The following WDFY4 variants were observed in gnomAD, a reference collection of about 807,000 sequenced individuals.
WDFY4 encodes WD repeat- and FYVE domain-containing protein 4.
A neutral mutation model predicts 351.9 loss-of-function variants in WDFY4; 169 were observed. The ratio of observed to expected loss-of-function variants is 0.48; its 90% CI spans 0.42 to 0.55. The LOEUF is 0.55. Ranked by LOEUF, WDFY4 falls within the 20% of genes least tolerant of loss-of-function variation. The probability of loss-of-function intolerance (pLI) is 0.00; values close to 1 mark genes in which losing one functional copy is unlikely to be tolerated. For synonymous variants in WDFY4, 1,622 were observed against 1,574.6 expected (o/e 1.03, Z -0.71); for missense variants, 3,803 against 3,935.6 (o/e 0.97, Z 0.90).
At position 48,803,421 on chromosome 10, in the gene WDFY4, A is replaced by G. The variant is rs551602040; in HGVS notation, c.4484+62A>G. The G allele has an allele frequency of 1.5e-5, 22 of 1,512,114 alleles. No homozygotes were observed. The Middle Eastern group carries it at 6.7e-4, about 46-fold the overall frequency. 93.7% of individuals were successfully genotyped at this position (1,512,114 alleles called of 1,614,324 possible). ...AAGGCTGAATGTCCAGAACAGAGAC[A>G]GGGCAGGGTGGCCAGTGGCTCTTCC... On this transcript the variant is annotated intron_variant, in intron 25 of 61. Coordinates refer to ENST00000325239, the MANE Select transcript of WDFY4 (RefSeq NM_001394531.1).
intron 39 of WDFY4, among the ~76,000 whole-genome samples, chr10:48,849,397 AGTCT>A (rs1370213636): frequency 6.6e-6 from 1 of 152,236 alleles, no homozygotes; most frequent in East Asian, 1.9e-4. Flanking sequence ...TACATCAATC[AGTCT>A]TTCTTTGTTA....
chr10:48,960,420 T>C (rs552048717), intron 53 of WDFY4, among the ~76,000 whole-genome samples: 30 of 152,196 alleles, frequency 2.0e-4, no homozygotes, highest in African/African-American at 7.2e-4. Context: ...GTGAAACCAA[T>C]AGTTGATGAA....
intron 47 of WDFY4, among the ~76,000 whole-genome samples, chr10:48,934,504 A>G (rs1840232065): frequency 6.6e-6 from 1 of 152,200 alleles, no homozygotes; most frequent in Non-Finnish European, 1.5e-5. Context: ...TACCTGTCAT[A>G]AAAGTTGGGT....
intron 28 of WDFY4, among the ~76,000 whole-genome samples, chr10:48,810,193 T>C (rs976959356): frequency 6.6e-6 from 1 of 152,214 alleles, no homozygotes; most frequent in Non-Finnish European, 1.5e-5. Flanking sequence ...TTAAATTAGA[T>C]GGGTGGCTAG....
intron 49 of WDFY4, among the ~76,000 whole-genome samples, chr10:48,943,905 TA>T (rs1840912713): frequency 6.6e-6 from 1 of 152,234 alleles, no homozygotes; most frequent in East Asian, 1.9e-4. Context: ...TCAGATCTCT[TA>T]ACCCCACTGT....
rs57440826 is a variant in WDFY4, at chr10:48,733,297, T to TTTCATTCA, written c.1583-614_1583-607dup. 4.8e-3 allele frequency among the ~76,000 whole-genome samples: 723 copies of TTTCATTCA among 152,100 alleles called. 5 individuals are homozygous for TTTCATTCA. Among genetic ancestry groups the TTTCATTCA allele is most frequent in the African/African-American group, 0.015 (607 of 41,516 alleles). On this transcript the variant is annotated intron_variant, in intron 9 of 61. Transcript: ENST00000325239. ...CTGTCTCCTGGTTTATAAACTCTAT[T>TTTCATTCA]TTCATTCATTCATTCATTCATTCAT...
intron 18 of WDFY4, 83 bp downstream of exon 18, chr10:48,778,915 T>C: frequency 2.8e-6 from 4 of 1,438,098 alleles, no homozygotes; most frequent in Non-Finnish European, 3.8e-6. Flanking sequence ...ACAGGTGTGG[T>C]TAGAAACCTG....
At chr10:48,730,650 C>G (rs1001243058) in intron 8 of WDFY4, among the ~76,000 whole-genome samples, 1 of 152,180 alleles carries the variant, frequency 6.6e-6, no homozygotes, top group Admixed American at 6.5e-5. Flanking sequence ...GCCCAATGCT[C>G]TCCAATGGAA....
At chr10:48,867,210 A>ATAAAATAAAG in intron 39 of WDFY4, 55 bp from the exon 40 acceptor site, 2 of 774,850 alleles carry the variant, frequency 2.6e-6, no homozygotes, top group Non-Finnish European at 3.6e-6. Context: ...ATAAAATAAA[A>ATAAAATAAAG]TAAAATAAAA....
chr10:48,977,097 G>A, intron 59 of WDFY4, 118 bp downstream of exon 59: 5 of 1,037,646 alleles, frequency 4.8e-6, no homozygotes, highest in Non-Finnish European at 6.3e-6. Context: ...TCCAGAACGG[G>A]TACCTACAGC....
At chr10:48,842,604 C>A (rs530764889) in intron 39 of WDFY4, among the ~76,000 whole-genome samples, 2 of 152,322 alleles carry the variant, frequency 1.3e-5, no homozygotes, top group East Asian at 3.9e-4. Context: ...ATGCTTAAAC[C>A]GGATGATGCT....
At chr10:48,753,072 G>A (rs2065232127) in intron 12 of WDFY4, among the ~76,000 whole-genome samples, 1 of 152,182 alleles carries the variant, frequency 6.6e-6, no homozygotes, top group Non-Finnish European at 1.5e-5. Flanking sequence ...TAATGGGCAT[G>A]GAGTGTTATC....
chr10:48,796,623 C>T (rs1235572189), intron 24 of WDFY4, among the ~76,000 whole-genome samples, 173 bp downstream of exon 24: 1 of 152,190 alleles, frequency 6.6e-6, no homozygotes, highest in Non-Finnish European at 1.5e-5. Context: ...ACATGTGCCA[C>T]CTATGGACTG....
At position 48,777,126 on chromosome 10, in the gene WDFY4, G is replaced by A. The variant is rs115557437; in HGVS notation, c.3098+142G>A. On this transcript the variant is annotated intron_variant, in intron 16 of 61. Transcript: ENST00000325239. ...GAAAATGTCTGGGTCATGGACACCC[G>A]CCTACTCAGCGGCCTCCCAGGGGCT... The A allele has an allele frequency of 3.4e-3, 3,746 of 1,107,798 alleles. 58 individuals are homozygous for A. In the African/African-American group the frequency reaches 0.035, roughly 10 times the overall value. The allele number at this position is 1,107,798 out of a possible 1,614,324, so 68.6% of individuals were successfully genotyped here. A position where few individuals can be genotyped will look rare whatever the true frequency, so the allele number is the denominator to read the frequency against.
At chr10:48,859,931 T>C (rs1158283270) in intron 39 of WDFY4, among the ~76,000 whole-genome samples, 2 of 152,208 alleles carry the variant, frequency 1.3e-5, no homozygotes. Context: ...TCGTGGTAGT[T>C]TGTGTTTGGC....
chr10:48,787,626 C>A (rs1215193648), intron 20 of WDFY4, among the ~76,000 whole-genome samples: 1 of 152,148 alleles, frequency 6.6e-6, no homozygotes, highest in Non-Finnish European at 1.5e-5. Context: ...CAGCCTATTT[C>A]AAGTCAGGTT....
At chr10:48,776,493 C>G (rs2947345) in intron 15 of WDFY4, among the ~76,000 whole-genome samples, 91,050 of 152,016 alleles carry the variant, frequency 0.6, 30,191 homozygotes, top group Non-Finnish European at 0.74. Context: ...ATGTGCTATG[C>G]TGGAAAAGGG....
In WDFY4 at chr10:48,974,516, A is replaced by AAAAAAAAAAAAAAC. The variant is rs1842467759; in HGVS notation, c.8929-343_8929-330dup. Among the ~76,000 whole-genome samples, 8 of 16,352 alleles carry AAAAAAAAAAAAAAC rather than the reference A, an allele frequency of 4.9e-4. 3 individuals are homozygous for AAAAAAAAAAAAAAC. The highest frequency in any genetic ancestry group is 5.4e-3 in the South Asian group (2 of 370). 10.7% of individuals were successfully genotyped at this position (16,352 alleles called of 152,430 possible). Reference sequence around the variant, plus strand: ...AGACTCCGTCTCAAAAAAAAAAAAAAAAAAAAAAAAAAACAACTCATGACA... The same window carrying AAAAAAAAAAAAAAC: ...AGACTCCGTCTCAAAAAAAAAAAAAAAAAAAAAAAAAAACAAAAAAAAAAAAACAACTCATGACA... On this transcript the variant is annotated intron_variant, in intron 57 of 61. Coordinates refer to ENST00000325239, the MANE Select transcript of WDFY4 (RefSeq NM_001394531.1).
chr10:48,735,725 T>C (rs2064636583), intron 10 of WDFY4, among the ~76,000 whole-genome samples, 155 bp from the exon 11 acceptor site: 1 of 152,172 alleles, frequency 6.6e-6, no homozygotes, highest in African/African-American at 2.4e-5. Flanking sequence ...TAACAGTGGG[T>C]ATGGGTTACC....
Sources: gnomAD v4.1 joint callset for allele counts (sites outside exome capture counted in the v4.1 genomes callset) on GRCh38, gnomAD v4.1.1 for gene constraint, MANE v1.5 for transcripts, NCBI Gene and HGNC (gene_info 2026-07-23, HGNC 2026-07-21) for gene names.